The following GEMIN7 variants were observed in gnomAD, a reference collection of about 807,000 sequenced individuals.
GEMIN7 encodes the protein gem nuclear organelle associated protein 7.
GEMIN7 carries 7 observed loss-of-function variants against 7.8 expected under a neutral mutation model. That is an observed-to-expected ratio of 0.90 (90% CI 0.51 to 1.69). The LOEUF is 1.69. GEMIN7 is among the 40% of genes most tolerant of loss of function. The pLI is 0.00. For missense variants in GEMIN7, 159 were observed against 176.2 expected, an observed-to-expected ratio of 0.90 and a Z score of 0.55; for synonymous variants, 68 against 72.4, an observed-to-expected ratio of 0.94 and a Z score of 0.31.
chr19:45,076,339 C>T, upstream of GEMIN7: 2 of 1,369,948 alleles, frequency 1.5e-6, no homozygotes, highest in Non-Finnish European at 1.9e-6. The surrounding 1 kb of genome is among the most constrained non-coding windows in gnomAD (Gnocchi z 4.9). Context: ...GGGCTCTACT[C>T]GGCGGGGCGC....
chr19:45,087,427 G>A (rs993826237), intron 2 of GEMIN7, among the ~76,000 whole-genome samples: 23 of 152,118 alleles, frequency 1.5e-4, no homozygotes, highest in African/African-American at 5.3e-4. Flanking sequence ...ATAGGCATGC[G>A]CCGCCATGCC....
Position 45,090,505 on chromosome 19 carries a change from C to A in GEMIN7, c.391C>A (p.Pro131Thr), listed in dbSNP as rs113617735. ...CSDIISYTFK[P>T] ...TGACATTATTTCATATACCTTCAAG[C>A]CATAAAGATATTGTGTTCACTTTTC... The change falls in exon 3 of 3, where the codon CCA (proline) becomes ACA (threonine). Residue 131 changes from proline (P) to threonine (T), a missense_variant. Coordinates refer to ENST00000270257, the MANE Select transcript of GEMIN7 (RefSeq NM_024707.3). 41 of 1,604,160 alleles carry A rather than the reference C, an allele frequency of 2.6e-5. 3 individuals are homozygous for A. In the African/African-American group the frequency reaches 2.8e-4, roughly 11 times the overall value.
At chr19:45,078,971 G>A (rs976874370), upstream of GEMIN7, among the ~76,000 whole-genome samples, 16 of 152,196 alleles carry the variant, frequency 1.1e-4, no homozygotes, top group Non-Finnish European at 8.8e-5. Context: ...TGCAAAGACC[G>A]AGCTCTGCCC....
upstream of GEMIN7, among the ~76,000 whole-genome samples, chr19:45,077,505 C>G (rs2122642448): frequency 6.6e-6 from 1 of 152,284 alleles, no homozygotes; most frequent in Non-Finnish European, 1.5e-5. Context: ...TATAGAACGG[C>G]TTGTGGACTG....
intron 2 of GEMIN7, among the ~76,000 whole-genome samples, chr19:45,085,957 T>A (rs1967671322): frequency 7.6e-6 from 1 of 131,358 alleles, no homozygotes; most frequent in Non-Finnish European, 1.6e-5. Flanking sequence ...AAGCTCCGCC[T>A]CCCGGGTTCA....
upstream of GEMIN7, chr19:45,075,906 T>C (rs776997746): frequency 1.3e-6 from 2 of 1,591,410 alleles, no homozygotes; most frequent in Non-Finnish European, 1.7e-6. Flanking sequence ...GGGGCCAGGA[T>C]GGGGGCTGAG....
intron 2 of GEMIN7, among the ~76,000 whole-genome samples, chr19:45,083,172 G>A (rs754018831): frequency 7.2e-5 from 11 of 152,220 alleles, no homozygotes; most frequent in South Asian, 4.1e-4. Context: ...CCCGCTGGGC[G>A]CGGTAGCTCA....
chr19:45,079,996 T>A lies in GEMIN7; in HGVS notation c.-42T>A, dbSNP rs908796911. 2 of 152,256 alleles carry A rather than the reference T, an allele frequency of 1.3e-5. No homozygotes were observed. The highest frequency in any genetic ancestry group is 2.9e-5 in the Non-Finnish European group (2 of 68,044). 9.4% of individuals were successfully genotyped at this position (152,256 alleles called of 1,614,324 possible). On this transcript the variant is annotated 5_prime_UTR_variant, in exon 2 of 3. Transcript: ENST00000270257. ...CAAATGTTTGTCCACTGAGCTGATC[T>A]CCTCTCTGGAGCACCGGGGCCACCA...
chr19:45,088,897 T>C (rs970529252), intron 2 of GEMIN7, among the ~76,000 whole-genome samples: 4 of 151,808 alleles, frequency 2.6e-5, no homozygotes, highest in Non-Finnish European at 2.9e-5. Context: ...CTGTTAAGAC[T>C]ATGTAGATAC....
At chr19:45,087,812 TGAG>T (rs768199824) in intron 2 of GEMIN7, among the ~76,000 whole-genome samples, 1 of 151,726 alleles carries the variant, frequency 6.6e-6, no homozygotes, top group Non-Finnish European at 1.5e-5. Context: ...AGGGACCCAG[TGAG>T]GAGTTGACTA....
At chr19:45,082,286 G>T (rs1002028142) in intron 2 of GEMIN7, among the ~76,000 whole-genome samples, 1 of 152,124 alleles carries the variant, frequency 6.6e-6, no homozygotes, top group African/African-American at 2.4e-5. Flanking sequence ...TCTTCCTTCT[G>T]ACTGGAATCT....
intron 2 of GEMIN7, chr19:45,088,629 G>C (rs1352528906): frequency 6.6e-6 from 1 of 152,044 alleles, no homozygotes; most frequent in African/African-American, 2.4e-5. Context: ...GCCTATCCCT[G>C]TTGTCCTTGT....
rs200006891 is a variant in GEMIN7, at chr19:45,089,682, A to AAT, written c.-8-412_-8-411dup. Among the ~76,000 whole-genome samples, 1,326 of 151,572 alleles carry AAT rather than the reference A, an allele frequency of 8.7e-3. 15 individuals carry two copies. Among genetic ancestry groups the AAT allele is most frequent in the African/African-American group, 0.028 (1,153 of 41,320 alleles). ...CTCCTGAGTAGCCCAGCTAATGTAAAATATATATATATATTTTTAGAAATG... is the reference window on the plus strand; with the variant it reads ...CTCCTGAGTAGCCCAGCTAATGTAAAATATATATATATATATTTTTAGAAATG... On this transcript the variant is annotated intron_variant, in intron 2 of 2. Coordinates refer to ENST00000270257, the MANE Select transcript of GEMIN7 (RefSeq NM_024707.3).
chr19:45,079,779 C>A (rs188871751), intron 1 of GEMIN7, 128 bp from the exon 2 acceptor site: 41 of 152,400 alleles, frequency 2.7e-4, no homozygotes, highest in African/African-American at 8.7e-4. Flanking sequence ...GGGAGAGATT[C>A]TGTGCTTGGG....
intron 2 of GEMIN7, among the ~76,000 whole-genome samples, chr19:45,086,274 A>T (rs1967684945): frequency 6.6e-6 from 1 of 152,138 alleles, no homozygotes; most frequent in Non-Finnish European, 1.5e-5. Context: ...AAAAAAGGAA[A>T]AAAAAGAAAC....
chr19:45,087,271 A>G (rs574435882), intron 2 of GEMIN7, among the ~76,000 whole-genome samples: 2 of 152,112 alleles, frequency 1.3e-5, no homozygotes, highest in African/African-American at 2.4e-5. Context: ...AGGCTCCCCA[A>G]GTAGCTGGGA....
intron 2 of GEMIN7, among the ~76,000 whole-genome samples, chr19:45,087,881 G>A (rs1286019724): frequency 1.3e-5 from 2 of 152,036 alleles, no homozygotes; most frequent in African/African-American, 2.4e-5. Context: ...CAGTGGAGGA[G>A]GTGAGAAGTG....
chr19:45,076,115 G>C, upstream of GEMIN7: 1 of 1,572,832 alleles, frequency 6.4e-7, no homozygotes, highest in Non-Finnish European at 8.6e-7. The surrounding 1 kb of genome is among the most constrained non-coding windows in gnomAD (Gnocchi z 4.9). Flanking sequence ...AGGGTCCACG[G>C]GTTCCGCGGG....
chr19:45,083,758 C>G (rs968857025), intron 2 of GEMIN7, among the ~76,000 whole-genome samples: 2 of 150,766 alleles, frequency 1.3e-5, no homozygotes, highest in Non-Finnish European at 3.0e-5. Context: ...GCACCCTTTG[C>G]CCAGCTAATT....
Sources: gnomAD v4.1 joint callset for allele counts (sites outside exome capture counted in the v4.1 genomes callset) on GRCh38, gnomAD v4.1.1 for gene constraint, Gnocchi (gnomAD v3.1) non-coding constraint, MANE v1.5 for transcripts, NCBI Gene and HGNC (gene_info 2026-07-23, HGNC 2026-07-21) for gene names.